Variants in CCNK observed in about 807,000 individuals in gnomAD.
CCNK encodes the protein cyclin K, also known as cyclin-K.
CCNK carries 9 observed loss-of-function variants against 65.0 expected under a neutral mutation model. The observed-to-expected ratio is 0.14, with a 90% CI of 0.08 to 0.24. The LOEUF is 0.24. CCNK is among the 10% of genes least tolerant of loss of function. CCNK has a pLI of 1.00. For missense variants in CCNK, 474 were observed against 720.0 expected, an observed-to-expected ratio of 0.66 and a Z score of 3.91; for synonymous variants, 279 against 270.8, an observed-to-expected ratio of 1.03 and a Z score of -0.30.
intron 5 of CCNK, chr14:99,501,154 A>G (rs1324854536): frequency 6.6e-6 from 4 of 605,578 alleles, no homozygotes; most frequent in Non-Finnish European, 8.7e-6. Context: ...CAGGTTTTCC[A>G]TACATGGTGG....
At chr14:99,506,907 G>T in intron 9 of CCNK, 169 bp from the exon 10 acceptor site, 1 of 607,224 alleles carries the variant, frequency 1.6e-6, no homozygotes, top group Non-Finnish European at 3.0e-6. Context: ...TTTGTTAACA[G>T]GATTCATGCA....
chr14:99,504,753 A>C (rs1375640026), intron 9 of CCNK: 1 of 152,216 alleles, frequency 6.6e-6, no homozygotes, highest in African/African-American at 2.4e-5. Context: ...CCCAGCCTAC[A>C]GGTGAATTTT....
At chr14:99,501,077 A>C (rs1262455051) in intron 5 of CCNK, 2 of 602,006 alleles carry the variant, frequency 3.3e-6, no homozygotes, top group Non-Finnish European at 5.8e-6. Flanking sequence ...CCAGTTGCCA[A>C]GTGATGGGAG....
At position 99,504,766 on chromosome 14, in the gene CCNK, A is replaced by C. The variant is rs903242454; in HGVS notation, c.1045+1122A>C. On this transcript the variant is annotated intron_variant, in intron 9 of 10. Transcript: ENST00000389879. ...TGCCCAGCCTACAGGTGAATTTTTTAATTAGCTTCAAATTGACCGACATTA... is the reference window on the plus strand; with the variant it reads ...TGCCCAGCCTACAGGTGAATTTTTTCATTAGCTTCAAATTGACCGACATTA... 28 of 152,190 alleles carry C rather than the reference A, an allele frequency of 1.8e-4. 1 individual carries two copies. Among genetic ancestry groups the C allele is most frequent in the Admixed American group, 6.5e-5 (1 of 15,278 alleles). 9.4% of individuals were successfully genotyped at this position (152,190 alleles called of 1,614,324 possible).
intron 1 of CCNK, among the ~76,000 whole-genome samples, chr14:99,486,107 C>T (rs964732441): frequency 1.3e-5 from 2 of 152,012 alleles, no homozygotes; most frequent in Non-Finnish European, 2.9e-5. Flanking sequence ...TAATAAACAA[C>T]TAATCACCAA....
intron 1 of CCNK, among the ~76,000 whole-genome samples, chr14:99,485,244 T>C (rs3918046): frequency 0.92 from 140,404 of 152,250 alleles, 65,833 homozygotes; most frequent in East Asian, 1. Flanking sequence ...TGAATATACT[T>C]ACGATTTATC....
At chr14:99,491,043 C>A (rs1896587470) in intron 1 of CCNK, among the ~76,000 whole-genome samples, 1 of 151,986 alleles carries the variant, frequency 6.6e-6, no homozygotes, top group Admixed American at 6.6e-5. Flanking sequence ...CCATCCAGTA[C>A]TTAACGATGT....
rs1897124153 is a variant in CCNK, at chr14:99,511,265, ATAG to A, written c.*484_*486del. 6.6e-6 allele frequency: 1 copy of A among 152,110 alleles called. No homozygotes were observed. Among genetic ancestry groups the A allele is most frequent in the Non-Finnish European group, 1.5e-5 (1 of 68,172 alleles). 9.4% of individuals were successfully genotyped at this position (152,110 alleles called of 1,614,324 possible). ...GGCAGAAGAACCACATTTTTCATTT[ATAG>A]ATGTTTGCATCCTTTGTATTAAAAT... On this transcript the variant is annotated 3_prime_UTR_variant, in exon 11 of 11. Coordinates refer to ENST00000389879, the MANE Select transcript of CCNK (RefSeq NM_001099402.2).
chr14:99,484,524 A>G (rs762525580), intron 1 of CCNK, among the ~76,000 whole-genome samples: 4 of 152,260 alleles, frequency 2.6e-5, no homozygotes, highest in African/African-American at 7.2e-5. Flanking sequence ...AAGACAATCA[A>G]TAGATAAGGG....
rs185431761 is a variant in CCNK, at chr14:99,492,528, A to T, written c.-52-98A>T. On this transcript the variant is annotated intron_variant, in intron 1 of 10. Coordinates refer to ENST00000389879, the MANE Select transcript of CCNK (RefSeq NM_001099402.2). ...ACTGGCAATTGACAGTGTGGTTTCT[A>T]TAGGAAATAGTGATCCCAAACCAGG... 3.1e-4 allele frequency: 207 copies of T among 660,492 alleles called. No individual in the cohort carries two copies. In the East Asian group the frequency reaches 5.2e-3, roughly 16 times the overall value. 40.9% of individuals were successfully genotyped at this position (660,492 alleles called of 1,614,324 possible).
chr14:99,483,178 T>A (rs1309815215), intron 1 of CCNK, among the ~76,000 whole-genome samples: 1 of 152,146 alleles, frequency 6.6e-6, no homozygotes, highest in Non-Finnish European at 1.5e-5. Context: ...TAGAATCTTG[T>A]TGGAAGAGCC....
chr14:99,491,473 CAGGTCATATTTTCTG>C (rs1896596556), intron 1 of CCNK, among the ~76,000 whole-genome samples: 1 of 152,198 alleles, frequency 6.6e-6, no homozygotes, highest in African/African-American at 2.4e-5. Flanking sequence ...TGATTATGAA[CAGGTCATATTTTCTG>C]AGGTTTTAAT....
chr14:99,507,322 A>G, intron 10 of CCNK, 175 bp downstream of exon 10: 1 of 617,476 alleles, frequency 1.6e-6, no homozygotes, highest in Non-Finnish European at 2.9e-6. Flanking sequence ...TGTGTTTTTG[A>G]TCCCAGCACT....
chr14:99,502,069 GTTTA>G (rs1896844360), intron 6 of CCNK, 134 bp from the exon 7 acceptor site: 3 of 966,018 alleles, frequency 3.1e-6, no homozygotes, highest in African/African-American at 1.7e-5. Context: ...AAAGACTTGA[GTTTA>G]TTTATTTATA....
intron 7 of CCNK, 76 bp from the exon 8 acceptor site, chr14:99,502,643 A>G (rs1566751506): frequency 1.1e-5 from 16 of 1,421,752 alleles, no homozygotes; most frequent in Non-Finnish European, 1.6e-5. Flanking sequence ...GGGGTATCAT[A>G]ACTGATTCTT....
chr14:99,510,449 C>T lies in CCNK; in HGVS notation c.1410C>T (p.His470=). The change falls in exon 11 of 11, where the codon CAC becomes CAT. Residue 470 remains histidine (H), a synonymous_variant. Coordinates refer to ENST00000389879, the MANE Select transcript of CCNK (RefSeq NM_001099402.2). ...ALPPAYGPPA[H]LPYHPHVYPP... The stretch of plus-strand genomic sequence containing the variant: ...CCCCCGCCTACGGCCCACCTGCACA[C>T]CTGCCCTACCACCCCCATGTCTACC... 1 of 1,538,286 alleles carries T rather than the reference C, an allele frequency of 6.5e-7. No individual in the cohort carries two copies.
chr14:99,481,662 T>C (rs771019647), intron 1 of CCNK, 183 bp downstream of exon 1: 146 of 388,284 alleles, frequency 3.8e-4, no homozygotes, highest in Non-Finnish European at 6.0e-4. Context: ...GGCGGGCGTG[T>C]AGAGAGGGTC....
chr14:99,503,057 T>A (rs967791189), intron 8 of CCNK, 73 bp downstream of exon 8: 6 of 1,516,140 alleles, frequency 4.0e-6, no homozygotes, highest in Non-Finnish European at 5.5e-6. Flanking sequence ...ACTGTTCCCA[T>A]TTCTAAGCGA....
At chr14:99,504,825 C>G (rs1228296559) in intron 9 of CCNK, 1 of 152,304 alleles carries the variant, frequency 6.6e-6, no homozygotes, top group Admixed American at 6.5e-5. Flanking sequence ...ACACTCCATG[C>G]CACATGAAAT....
Sources: gnomAD v4.1 joint callset for allele counts (sites outside exome capture counted in the v4.1 genomes callset) on GRCh38, gnomAD v4.1.1 for gene constraint, MANE v1.5 for transcripts, NCBI Gene and HGNC (gene_info 2026-07-23, HGNC 2026-07-21) for gene names.